The following CDK10 variants were observed in gnomAD, a reference collection of about 807,000 sequenced individuals.
CDK10 encodes the protein cyclin dependent kinase 10.
A neutral mutation model predicts 51.0 loss-of-function variants in CDK10; 55 were observed. The observed-to-expected ratio is 1.08, with a 90% CI of 0.87 to 1.35. CDK10 has a LOEUF of 1.35. Ranked by LOEUF, CDK10 falls within the 40% of genes most tolerant of loss-of-function variation. The pLI is 0.00. For missense variants in CDK10, 589 were observed against 485.1 expected (o/e 1.21, Z -2.01); for synonymous variants, 255 against 199.1 (o/e 1.28, Z -2.36).
intron 5 of CDK10, chr16:89,692,170 T>G: frequency 1.8e-6 from 1 of 558,742 alleles, no homozygotes; most frequent in East Asian, 3.1e-5. Context: ...ACTGGTTTCC[T>G]GGGCTGCTGG....
At chr16:89,692,294 G>T in intron 5 of CDK10, 155 bp from the exon 6 acceptor site, 1 of 560,302 alleles carries the variant, frequency 1.8e-6, no homozygotes. Context: ...CTGGGCTGCT[G>T]GGAGCGTGCA....
At chr16:89,692,350 T>C in intron 5 of CDK10, 99 bp from the exon 6 acceptor site, 1 of 876,056 alleles carries the variant, frequency 1.1e-6, no homozygotes, top group Non-Finnish European at 1.7e-6. Context: ...TCCTGGGCTA[T>C]TGGGACTGCT....
chr16:89,692,677 C>G lies in CDK10; in HGVS notation c.485+161C>G, dbSNP rs80198871. Reference sequence around the variant, plus strand: ...TTTCTAAAATAGAGAAGGGGTCTCTCTGTGTTGCCCAGGCTGGTCTCACAC... The same window carrying G: ...TTTCTAAAATAGAGAAGGGGTCTCTGTGTGTTGCCCAGGCTGGTCTCACAC... On this transcript the variant is annotated intron_variant, in intron 6 of 12. Transcript: ENST00000353379. 1.0e-4 allele frequency: 51 copies of G among 498,722 alleles called. No individual in the cohort carries two copies. The East Asian group carries it at 1.2e-3, about 11-fold the overall frequency. 30.9% of individuals were successfully genotyped at this position (498,722 alleles called of 1,614,324 possible). A position where few individuals can be genotyped will look rare whatever the true frequency, so the allele number is the denominator to read the frequency against.
At chr16:89,692,589 C>A (rs966727961) in intron 6 of CDK10, 73 bp downstream of exon 6, 11 of 1,174,492 alleles carry the variant, frequency 9.4e-6, no homozygotes, top group Non-Finnish European at 1.3e-5. Flanking sequence ...TGTGGAGTTA[C>A]TAAAAGCTCA....
Position 89,689,295 on chromosome 16 carries a change from G to A in CDK10, c.131G>A (p.Arg44His), listed in dbSNP as rs779244648. Residue 44 changes from arginine to histidine, a missense_variant, in exon 2 of 13, where the codon CGC becomes CAC. By Grantham distance (29) the Arg-to-His change is conservative (BLOSUM62 0). Transcript: ENST00000353379. Reference protein sequence around the residue: ...RSVKEFEKLNRIGEGTYGIVY... With the variant: ...RSVKEFEKLNHIGEGTYGIVY... ...GTGAAGGAGTTTGAGAAGCTGAACC[G>A]CATTGGAGAGGGTACCTACGGCATT... The A allele has an allele frequency of 9.9e-6, 16 of 1,614,026 alleles. No individual in the cohort carries two copies. Among genetic ancestry groups the A allele is most frequent in the Middle Eastern group, 1.7e-4 (1 of 6,060 alleles).
intron 2 of CDK10, chr16:89,689,555 T>C: frequency 1.8e-6 from 1 of 551,936 alleles, no homozygotes; most frequent in Admixed American, 3.2e-5. Context: ...TCCAAACGTG[T>C]CACTGCAGAG....
rs766241442 is a variant in CDK10 at position 89,691,439 on chromosome 16, C to T, written c.233-4C>T. ...GGGCTCGCTGAGGCCACCTCCCTCC[C>T]CAGGCATCCCCATCAGCAGCTTGCG... On this transcript the variant is annotated splice_polypyrimidine_tract_variant and splice_region_variant and intron_variant, in intron 3 of 12. Transcript: ENST00000353379. 22 of 1,599,768 alleles carry T rather than the reference C, an allele frequency of 1.4e-5. No individual in the cohort carries two copies. Among genetic ancestry groups the T allele is most frequent in the Non-Finnish European group, 1.6e-5 (19 of 1,171,580 alleles).
At chr16:89,694,059 C>G in intron 8 of CDK10, 114 bp from the exon 9 acceptor site, 1 of 1,034,720 alleles carries the variant, frequency 9.7e-7, no homozygotes, top group African/African-American at 1.6e-5. Flanking sequence ...GAGGGTGGTC[C>G]GAGTTGGGAC....
chr16:89,693,826 CAG>C, intron 8 of CDK10: 1 of 544,168 alleles, frequency 1.8e-6, no homozygotes, highest in East Asian at 3.2e-5. Context: ...TTTAACCAAA[CAG>C]GGTCATGCTT....
chr16:89,691,573 G>A (rs749065322), intron 4 of CDK10, 28 bp downstream of exon 4: 1 of 1,569,442 alleles, frequency 6.4e-7, no homozygotes, highest in East Asian at 2.2e-5. Flanking sequence ...CTGCACATTG[G>A]GCCCTAGGGA....
At chr16:89,690,460 A>G in intron 2 of CDK10, 93 bp from the exon 3 acceptor site, 1 of 1,041,256 alleles carries the variant, frequency 9.6e-7, no homozygotes, top group Non-Finnish European at 1.5e-6. Context: ...AAGAACGGGG[A>G]CCCCTGTGGC....
At position 89,695,070 on chromosome 16, in the gene CDK10, G is replaced by T. The variant is rs1025656724; in HGVS notation, c.932G>T (p.Arg311Met). Reference protein sequence around the residue: ...HFLFMYDPKKRATAGDCLESS... With the variant: ...HFLFMYDPKKMATAGDCLESS... ...CTGTTCATGTACGACCCTAAGAAAA[G>T]GTGCTGATCTCTGCACGGGGGGCAG... The change falls in exon 11 of 13, where the codon AGG (arginine) becomes ATG (methionine). Residue 311 changes from arginine (R) to methionine (M), a missense_variant and splice_region_variant. By Grantham distance (91) the Arg-to-Met change is moderately conservative. Coordinates refer to ENST00000353379, the MANE Select transcript of CDK10 (RefSeq NM_052988.5). 1 of 1,612,390 alleles carries T rather than the reference G, an allele frequency of 6.2e-7. No individual in the cohort carries two copies. Among genetic ancestry groups the T allele is most frequent in the Non-Finnish European group, 8.5e-7 (1 of 1,179,700 alleles).
Position 89,695,193 on chromosome 16 carries a change from C to T in CDK10, c.933-100C>T, listed in dbSNP as rs2060658349. The T allele has an allele frequency of 5.2e-6, 8 of 1,538,300 alleles. 1 individual carries two copies. The South Asian group carries it at 7.2e-5, about 14-fold the overall frequency. On this transcript the variant is annotated intron_variant, in intron 11 of 12. Coordinates refer to ENST00000353379, the MANE Select transcript of CDK10 (RefSeq NM_052988.5). ...CAGGCACAGCCGCTCGGAGTGGCCA[C>T]CTGGCTTCCTTTGAGCATTTGAATC...
intron 3 of CDK10, 105 bp downstream of exon 3, chr16:89,690,729 G>A: frequency 5.0e-6 from 5 of 998,098 alleles, no homozygotes; most frequent in Non-Finnish European, 8.0e-6. Context: ...TGTAGCGGGG[G>A]CCGGCCTCTG....
intron 8 of CDK10, chr16:89,693,800 C>T (rs2060565867): frequency 3.7e-6 from 2 of 543,746 alleles, no homozygotes; most frequent in Admixed American, 3.2e-5. Flanking sequence ...TTCCCTGGTT[C>T]TTCCTCCTGG....
At chr16:89,692,225 T>C (rs1215319228) in intron 5 of CDK10, 4 of 534,304 alleles carry the variant, frequency 7.5e-6, no homozygotes, top group Middle Eastern at 4.8e-4. Context: ...GCACTGGTTT[T>C]CTGGGCTGCT....
Position 89,693,330 on chromosome 16 carries a change from G to A in CDK10, c.538+4G>A, listed in dbSNP as rs1474498043. On this transcript the variant is annotated splice_donor_region_variant and intron_variant, in intron 7 of 12. Coordinates refer to ENST00000353379, the MANE Select transcript of CDK10 (RefSeq NM_052988.5). ...GACAAGGGTTGTGTGAAGACAGGTG[G>A]GTGCAACTTGGGCCAGGCCCTGTCC... 1 of 1,614,078 alleles carries A rather than the reference G, an allele frequency of 6.2e-7. No homozygotes were observed.
In CDK10 at chr16:89,686,722, A is replaced by AGATCTGGAGTGCGAGCAGATC; in HGVS notation, c.13_33dup (p.Asp5_Ile11dup). On this transcript the variant is annotated inframe_insertion, in exon 1 of 13. Transcript: ENST00000353379. ...GGCCAGCGCTCGGCATGGCGGAGCCAGATCTGGAGTGCGAGCAGATCCGTC... is the reference window on the plus strand; with the variant it reads ...GGCCAGCGCTCGGCATGGCGGAGCCAGATCTGGAGTGCGAGCAGATCGATCTGGAGTGCGAGCAGATCCGTC... 1 of 1,606,006 alleles carries AGATCTGGAGTGCGAGCAGATC rather than the reference A, an allele frequency of 6.2e-7. No individual in the cohort carries two copies. Among genetic ancestry groups the AGATCTGGAGTGCGAGCAGATC allele is most frequent in the Non-Finnish European group, 8.5e-7 (1 of 1,176,370 alleles).
chr16:89,693,347 G>T (rs922835179), intron 7 of CDK10, 21 bp downstream of exon 7: 1 of 1,614,036 alleles, frequency 6.2e-7, no homozygotes, highest in Non-Finnish European at 8.5e-7. Context: ...CTTGGGCCAG[G>T]CCCTGTCCCT....
Sources: gnomAD v4.1 joint callset for allele counts on GRCh38, gnomAD v4.1.1 for gene constraint, MANE v1.5 for transcripts, NCBI Gene and HGNC (gene_info 2026-07-23, HGNC 2026-07-21) for gene names.